The following RPGRIP1L variants were observed in gnomAD, a reference collection of about 807,000 sequenced individuals.
The protein encoded by RPGRIP1L is RPGRIP1 like.
In RPGRIP1L, 131 loss-of-function variants were observed where a neutral mutation model predicts 160.4. That is an observed-to-expected ratio of 0.82 (90% CI 0.71 to 0.94). The LOEUF is 0.94. Among genes scored for constraint, RPGRIP1L ranks in the 40% least tolerant of loss-of-function variants. The pLI, the probability that RPGRIP1L is intolerant of heterozygous loss-of-function variation, is 0.00. For missense variants in RPGRIP1L, 1,522 were observed against 1,535.8 expected, an observed-to-expected ratio of 0.99 and a Z score of 0.15; for synonymous variants, 510 against 515.8, an observed-to-expected ratio of 0.99 and a Z score of 0.15.
At chr16:53,673,124 G>A (rs1968880632) in intron 7 of RPGRIP1L, 108 bp from the exon 8 acceptor site, 6 of 1,066,590 alleles carry the variant, frequency 5.6e-6, no homozygotes, top group South Asian at 1.4e-5. Flanking sequence ...ATTTACTCCC[G>A]AAGTTCACCT....
intron 9 of RPGRIP1L, 110 bp downstream of exon 9, chr16:53,671,400 C>T: frequency 1.4e-6 from 1 of 723,676 alleles, no homozygotes. Context: ...TTCTTGCTAT[C>T]ATTTGTTGCT....
chr16:53,681,000 C>T (rs549566191), intron 6 of RPGRIP1L, among the ~76,000 whole-genome samples: 48 of 152,282 alleles, frequency 3.2e-4, no homozygotes, highest in Middle Eastern at 6.8e-3. Context: ...TGTGAGTGCT[C>T]ACTCAACTAT....
chr16:53,678,022 A>G (rs1211033208), intron 6 of RPGRIP1L, among the ~76,000 whole-genome samples: 1 of 152,186 alleles, frequency 6.6e-6, no homozygotes, highest in Non-Finnish European at 1.5e-5. Context: ...CTGCAAACAG[A>G]TATCAAGCAT....
chr16:53,700,087 T>G (rs776916823), intron 2 of RPGRIP1L, among the ~76,000 whole-genome samples: 2 of 152,228 alleles, frequency 1.3e-5, no homozygotes, highest in Non-Finnish European at 2.9e-5. Flanking sequence ...CACAGCTCTC[T>G]GTTCTAAATT....
At chr16:53,689,765 C>T (rs1023860193) in intron 4 of RPGRIP1L, among the ~76,000 whole-genome samples, 1 of 152,134 alleles carries the variant, frequency 6.6e-6, no homozygotes. Flanking sequence ...GGTAATGATG[C>T]TTCAGGTTTA....
chr16:53,619,538 T>C (rs1024764009), intron 23 of RPGRIP1L, among the ~76,000 whole-genome samples: 3 of 152,252 alleles, frequency 2.0e-5, no homozygotes, highest in Admixed American at 6.5e-5. Flanking sequence ...GAATGACAAG[T>C]TGGCCTTGTT....
intron 24 of RPGRIP1L, among the ~76,000 whole-genome samples, chr16:53,615,640 A>C (rs1195935550): frequency 6.6e-6 from 1 of 151,346 alleles, no homozygotes; most frequent in Non-Finnish European, 1.5e-5. Flanking sequence ...TGCCCATCTA[A>C]TTTTTGTATT....
chr16:53,688,932 A>G (rs1253134111), intron 4 of RPGRIP1L, among the ~76,000 whole-genome samples: 4 of 151,996 alleles, frequency 2.6e-5, no homozygotes, highest in South Asian at 2.1e-4. Context: ...CAATTGTATT[A>G]TTTTGGCAGT....
At chr16:53,636,941 G>GACACACACAC (rs34373919) in intron 21 of RPGRIP1L, among the ~76,000 whole-genome samples, 35 of 142,224 alleles carry the variant, frequency 2.5e-4, no homozygotes, top group Admixed American at 1.0e-3. Context: ...TGCAATATTT[G>GACACACACAC]ACACACACAC....
At chr16:53,679,061 A>G (rs1228322019) in intron 6 of RPGRIP1L, among the ~76,000 whole-genome samples, 1 of 152,244 alleles carries the variant, frequency 6.6e-6, no homozygotes, top group Non-Finnish European at 1.5e-5. Flanking sequence ...ACTTGACTTC[A>G]TAGGTGAAAA....
At chr16:53,620,418 G>C (rs984118496) in intron 23 of RPGRIP1L, among the ~76,000 whole-genome samples, 1 of 151,956 alleles carries the variant, frequency 6.6e-6, no homozygotes, top group African/African-American at 2.4e-5. Context: ...TTTCAATAAG[G>C]TTATTTTATT....
intron 24 of RPGRIP1L, among the ~76,000 whole-genome samples, chr16:53,616,259 G>A (rs1373774095): frequency 6.6e-6 from 1 of 152,116 alleles, no homozygotes; most frequent in Non-Finnish European, 1.5e-5. Flanking sequence ...TTCTGTATCA[G>A]GTAACGAGTG....
intron 2 of RPGRIP1L, among the ~76,000 whole-genome samples, chr16:53,697,921 G>A (rs1474946403): frequency 2.0e-5 from 3 of 151,104 alleles, no homozygotes; most frequent in South Asian, 4.2e-4. Flanking sequence ...AGTGAGGAGC[G>A]CCTCTTCCCG....
At chr16:53,636,982 ACACACT>A (rs1451762039) in intron 21 of RPGRIP1L, among the ~76,000 whole-genome samples, 4 of 133,420 alleles carry the variant, frequency 3.0e-5, no homozygotes, top group African/African-American at 1.3e-4. Flanking sequence ...ACACACACAC[ACACACT>A]CTTTAATTAC....
chr16:53,648,620 G>GCACACACACACA (rs1329861075), intron 16 of RPGRIP1L, among the ~76,000 whole-genome samples: 4 of 62,486 alleles, frequency 6.4e-5, no homozygotes, highest in African/African-American at 1.9e-4. Context: ...GCGTGCGCGC[G>GCACACACACACA]CGCGCGCACA....
chr16:53,637,095 C>G (rs1436161556), intron 21 of RPGRIP1L, among the ~76,000 whole-genome samples: 1 of 152,116 alleles, frequency 6.6e-6, no homozygotes, highest in East Asian at 1.9e-4. Context: ...GTCCTGGGCT[C>G]AAGTAATCTT....
intron 10 of RPGRIP1L, among the ~76,000 whole-genome samples, chr16:53,660,909 A>G (rs1252893132): frequency 6.6e-6 from 1 of 150,418 alleles, no homozygotes; most frequent in Admixed American, 6.6e-5. Context: ...AAAAAAAAAA[A>G]TCAAATATAC....
chr16:53,695,684 A>G (rs1970700882), intron 3 of RPGRIP1L: 1 of 485,596 alleles, frequency 2.1e-6, no homozygotes, highest in Non-Finnish European at 3.6e-6. Flanking sequence ...TCAATATAGA[A>G]TCTAGTATAA....
At chr16:53,634,737 A>G (rs1261752340) in intron 22 of RPGRIP1L, among the ~76,000 whole-genome samples, 2 of 152,188 alleles carry the variant, frequency 1.3e-5, no homozygotes, top group Non-Finnish European at 1.5e-5. Context: ...AAGCAGCTTG[A>G]GGCCCTCACC....
Sources: gnomAD v4.1 joint callset for allele counts (sites outside exome capture counted in the v4.1 genomes callset) on GRCh38, gnomAD v4.1.1 for gene constraint, MANE v1.5 for transcripts, NCBI Gene and HGNC (gene_info 2026-07-23, HGNC 2026-07-21) for gene names.